The following EFL1 variants were observed in gnomAD, a reference collection of about 807,000 sequenced individuals.
EFL1 encodes the protein elongation factor-like GTPase 1.
A neutral mutation model predicts 126.7 loss-of-function variants in EFL1; 76 were observed. That is an observed-to-expected ratio of 0.60 (90% CI 0.50 to 0.73). The LOEUF is 0.73. Ranked by LOEUF, EFL1 falls within the 30% of genes least tolerant of loss-of-function variation. The pLI is 0.00. For synonymous variants in EFL1, 410 were observed against 448.4 expected (o/e 0.91, Z 1.08); for missense variants, 1,128 against 1,343.2 (o/e 0.84, Z 2.50).
chr15:82,196,957 A>G (rs1485772334), intron 15 of EFL1, among the ~76,000 whole-genome samples: 1 of 151,948 alleles, frequency 6.6e-6, no homozygotes, highest in Non-Finnish European at 1.5e-5. Flanking sequence ...GTTTCAACCC[A>G]GGAGTCAGAG....
chr15:82,228,826 T>C (rs530947796), intron 9 of EFL1, among the ~76,000 whole-genome samples: 15 of 152,330 alleles, frequency 9.8e-5, no homozygotes, highest in African/African-American at 3.4e-4. Flanking sequence ...CTATAAAATA[T>C]TGCTATCCTG....
intron 19 of EFL1, among the ~76,000 whole-genome samples, chr15:82,135,104 C>T (rs564503636): frequency 6.6e-6 from 1 of 152,208 alleles, no homozygotes; most frequent in East Asian, 1.9e-4. Flanking sequence ...AGATTTGAAG[C>T]TTTTGGGAAC....
At chr15:82,230,361 C>A (rs1341550294) in intron 8 of EFL1, among the ~76,000 whole-genome samples, 1 of 152,042 alleles carries the variant, frequency 6.6e-6, no homozygotes, top group Non-Finnish European at 1.5e-5. Flanking sequence ...TATATGACAG[C>A]ATTCCTACAC....
intron 15 of EFL1, among the ~76,000 whole-genome samples, chr15:82,176,662 A>T (rs1318933528): frequency 6.6e-6 from 1 of 152,190 alleles, no homozygotes; most frequent in Non-Finnish European, 1.5e-5. Flanking sequence ...GAAAGCAAAA[A>T]CAAGTATGGA....
chr15:82,182,648 C>T (rs1280313604), intron 15 of EFL1, among the ~76,000 whole-genome samples: 2 of 151,932 alleles, frequency 1.3e-5, no homozygotes, highest in Admixed American at 6.5e-5. Flanking sequence ...ACGGTGAAAC[C>T]CCATCTCTAC....
At chr15:82,240,592 T>G in intron 5 of EFL1, 37 bp from the exon 6 acceptor site, 1 of 1,608,786 alleles carries the variant, frequency 6.2e-7, no homozygotes, top group Non-Finnish European at 8.5e-7. Flanking sequence ...AAACTCATGA[T>G]TTGAAATAAT....
At chr15:82,139,104 G>A (rs1273235563) in intron 18 of EFL1, among the ~76,000 whole-genome samples, 2 of 152,184 alleles carry the variant, frequency 1.3e-5, no homozygotes, top group African/African-American at 4.8e-5. Context: ...AAAACAGCAT[G>A]AGAAGAAGAT....
intron 8 of EFL1, among the ~76,000 whole-genome samples, chr15:82,230,402 G>GCAC (rs1420131221): frequency 1.6e-5 from 2 of 123,702 alleles, no homozygotes; most frequent in African/African-American, 6.1e-5. Context: ...GTTTCAGGGA[G>GCAC]CACCCACCTC....
intron 18 of EFL1, among the ~76,000 whole-genome samples, chr15:82,142,531 C>T (rs2141217823): frequency 6.6e-6 from 1 of 151,968 alleles, no homozygotes; most frequent in African/African-American, 2.4e-5. Flanking sequence ...GAAGGAGGTA[C>T]CAGAGTACCC....
At chr15:82,217,726 T>C (rs2074665627) in intron 14 of EFL1, among the ~76,000 whole-genome samples, 1 of 152,202 alleles carries the variant, frequency 6.6e-6, no homozygotes. Flanking sequence ...GTTCACACCT[T>C]TGTTTAGAAA....
intron 15 of EFL1, among the ~76,000 whole-genome samples, chr15:82,181,540 G>A (rs1391482895): frequency 6.6e-6 from 1 of 152,068 alleles, no homozygotes; most frequent in Non-Finnish European, 1.5e-5. Context: ...ATATCCCCAA[G>A]AGAAGATGGT....
chr15:82,142,601 G>T (rs1301994188), intron 18 of EFL1, among the ~76,000 whole-genome samples: 2 of 152,134 alleles, frequency 1.3e-5, no homozygotes, highest in African/African-American at 4.8e-5. Context: ...GCAACAAAAA[G>T]ATTAATCAAT....
intron 15 of EFL1, among the ~76,000 whole-genome samples, chr15:82,207,289 T>C (rs2074535022): frequency 8.5e-6 from 1 of 117,516 alleles, no homozygotes; most frequent in African/African-American, 3.6e-5. Flanking sequence ...TGTGTGTGTA[T>C]ATATATATAT....
chr15:82,170,256 A>G (rs2074120897), intron 15 of EFL1, among the ~76,000 whole-genome samples: 1 of 150,248 alleles, frequency 6.7e-6, no homozygotes, highest in African/African-American at 2.4e-5. Flanking sequence ...CTGGGACTAC[A>G]GGCGCCCGCC....
chr15:82,156,444 C>G (rs2073968254), intron 17 of EFL1, among the ~76,000 whole-genome samples: 1 of 152,146 alleles, frequency 6.6e-6, no homozygotes, highest in African/African-American at 2.4e-5. Flanking sequence ...GCCACCACAT[C>G]CAGCTAATTT....
chr15:82,150,896 A>C (rs1247349250), intron 18 of EFL1, among the ~76,000 whole-genome samples: 1 of 152,200 alleles, frequency 6.6e-6, no homozygotes, highest in African/African-American at 2.4e-5. Flanking sequence ...AACACATATG[A>C]GCAGTTTAAA....
chr15:82,162,332 T>C (rs1595951741), intron 16 of EFL1, among the ~76,000 whole-genome samples: 1 of 152,320 alleles, frequency 6.6e-6, no homozygotes, highest in East Asian at 1.9e-4. Context: ...TTTTTCCTAT[T>C]TTTAAAATGT....
chr15:82,192,649 T>C (rs577335081), intron 15 of EFL1, among the ~76,000 whole-genome samples: 2 of 152,274 alleles, frequency 1.3e-5, no homozygotes, highest in Admixed American at 1.3e-4. Flanking sequence ...TGGAAAGCCC[T>C]TGTGAACTTA....
Position 82,151,757 on chromosome 15 carries a change from TA to T in EFL1, c.2696del (p.Leu899GlnfsTer63), listed in dbSNP as rs1216199533. ...GVCFVLEKWDLSKFEEQGASD... is the reference protein window; with the variant it reads ...GVCFVLEKWDXSKFEEQGASD... The stretch of plus-strand genomic sequence containing the variant: ...TTGCTCCTTGTTCCTCAAATTTACT[TA>T]GGTCCCATTTTTCCAGAACAAAACA... On this transcript the variant is annotated frameshift_variant, in exon 18 of 20. Coordinates refer to ENST00000268206, the MANE Select transcript of EFL1 (RefSeq NM_024580.6). LOFTEE classifies it high-confidence loss of function. The T allele has an allele frequency of 5.6e-6, 9 of 1,614,010 alleles. No homozygotes were observed. The highest frequency in any genetic ancestry group is 6.8e-6 in the Non-Finnish European group (8 of 1,180,032).
Sources: gnomAD v4.1 joint callset for allele counts (sites outside exome capture counted in the v4.1 genomes callset) on GRCh38, gnomAD v4.1.1 for gene constraint, MANE v1.5 for transcripts, NCBI Gene and HGNC (gene_info 2026-07-23, HGNC 2026-07-21) for gene names.